CAMK2A: variants seen among roughly 807,000 people sequenced by gnomAD.
CAMK2A encodes the protein calcium/calmodulin-dependent protein kinase type II subunit alpha.
Under a neutral mutation model 79.2 loss-of-function variants are expected in CAMK2A, and 7 were observed. The observed-to-expected ratio is 0.09, with a 90% CI of 0.05 to 0.17. The LOEUF (loss-of-function observed/expected upper bound fraction) is 0.17, where lower values mean the gene tolerates loss of function less well. Among genes scored for constraint, CAMK2A ranks in the 10% least tolerant of loss-of-function variants. CAMK2A has a pLI of 1.00. For missense variants in CAMK2A, 214 were observed against 646.4 expected (o/e 0.33, Z 7.25); for synonymous variants, 242 against 251.7 (o/e 0.96, Z 0.36).
rs944210428 is a variant in CAMK2A at position 150,247,657 on chromosome 5, T to C, written c.943+115A>G. The C allele has an allele frequency of 5.0e-6, 4 of 800,302 alleles. No homozygotes were observed. The African/African-American group carries it at 6.9e-5, about 14-fold the overall frequency. 49.6% of individuals were successfully genotyped at this position (800,302 alleles called of 1,614,324 possible). A position where few individuals can be genotyped will look rare whatever the true frequency, so the allele number is the denominator to read the frequency against. On this transcript the variant is annotated intron_variant, in intron 12 of 18. Transcript: ENST00000671881. The stretch of plus-strand genomic sequence containing the variant: ...CTAAGCCCTTAGTCACAGAGTCCTC[T>C]ACAACTCCCTCTCCCCAGGCCCAGT...
intron 1 of CAMK2A, among the ~76,000 whole-genome samples, chr5:150,282,238 C>T (rs958716281): frequency 6.6e-6 from 1 of 152,154 alleles, no homozygotes; most frequent in Non-Finnish European, 1.5e-5. Context: ...ACCAATCCAG[C>T]AGAAGTCTCG....
chr5:150,226,853 G>T (rs1188097361), intron 17 of CAMK2A, among the ~76,000 whole-genome samples: 1 of 149,992 alleles, frequency 6.7e-6, no homozygotes, highest in Non-Finnish European at 1.5e-5. Context: ...GCCCAGGCTG[G>T]ATTGCAGTGG....
chr5:150,222,936 C>A, intron 18 of CAMK2A, 53 bp downstream of exon 18: 1 of 1,549,534 alleles, frequency 6.5e-7, no homozygotes, highest in East Asian at 2.2e-5. Context: ...CCCTCCAGGG[C>A]AACACTCCCA....
chr5:150,263,650 C>T (rs571702969), intron 3 of CAMK2A, among the ~76,000 whole-genome samples: 360 of 152,256 alleles, frequency 2.4e-3, no homozygotes, highest in African/African-American at 8.4e-3. Context: ...TTCACTCACA[C>T]ACTCCACACA....
intron 1 of CAMK2A, among the ~76,000 whole-genome samples, chr5:150,287,715 C>A (rs4958869): frequency 0.42 from 64,443 of 151,960 alleles, 18,033 homozygotes; most frequent in African/African-American, 0.79. Flanking sequence ...TCAGGGAATT[C>A]TTGGGTTCTA....
intron 13 of CAMK2A, among the ~76,000 whole-genome samples, chr5:150,242,205 C>A (rs748893946): frequency 6.6e-6 from 1 of 152,160 alleles, no homozygotes; most frequent in Non-Finnish European, 1.5e-5. Flanking sequence ...GGATCACAAA[C>A]GATGATGCTA....
At chr5:150,254,613 C>T (rs1033398972) in intron 6 of CAMK2A, among the ~76,000 whole-genome samples, 1 of 152,176 alleles carries the variant, frequency 6.6e-6, no homozygotes, top group African/African-American at 2.4e-5. Context: ...TCCAGAATTC[C>T]TCCACTTCCT....
Position 150,219,753 on chromosome 5 carries a change from G to A in CAMK2A, c.*2957C>T, listed in dbSNP as rs1360295476. The A allele has an allele frequency of 2.0e-5, 3 of 152,392 alleles. No individual in the cohort carries two copies. Among genetic ancestry groups the A allele is most frequent in the African/African-American group, 4.8e-5 (2 of 41,352 alleles). The allele number at this position is 152,392 out of a possible 1,614,324, so 9.4% of individuals were successfully genotyped here. A position where few individuals can be genotyped will look rare whatever the true frequency, so the allele number is the denominator to read the frequency against. ...GGTCTCCCTTTGAAGGGAGACAGGAGGCCTTGGGTCAGGATTCGCACCATG... is the reference window on the plus strand; with the variant it reads ...GGTCTCCCTTTGAAGGGAGACAGGAAGCCTTGGGTCAGGATTCGCACCATG... On this transcript the variant is annotated 3_prime_UTR_variant, in exon 19 of 19. Transcript: ENST00000671881.
intron 15 of CAMK2A, among the ~76,000 whole-genome samples, chr5:150,235,308 C>A (rs1755012376): frequency 6.6e-6 from 1 of 152,198 alleles, no homozygotes; most frequent in African/African-American, 2.4e-5. Context: ...AAAGTCCACT[C>A]TGATTCTGGG....
At chr5:150,257,527 C>A (rs372553951) in intron 4 of CAMK2A, 36 bp downstream of exon 4, 3 of 1,545,922 alleles carry the variant, frequency 1.9e-6, no homozygotes, top group Non-Finnish European at 2.6e-6. Context: ...GCAGCCCCAA[C>A]ACCGTTGGCG....
chr5:150,289,332 C>T (rs1757566018), intron 1 of CAMK2A, among the ~76,000 whole-genome samples: 2 of 152,200 alleles, frequency 1.3e-5, no homozygotes, highest in South Asian at 4.1e-4. Flanking sequence ...GTCAACCCTT[C>T]ATCCCTACAT....
At chr5:150,283,500 G>A (rs549860506) in intron 1 of CAMK2A, among the ~76,000 whole-genome samples, 7 of 152,134 alleles carry the variant, frequency 4.6e-5, no homozygotes, top group African/African-American at 1.7e-4. Flanking sequence ...TCAGCCTCCC[G>A]AGTAGCTGGA....
At chr5:150,231,679 C>A (rs1467197193) in intron 15 of CAMK2A, among the ~76,000 whole-genome samples, 1 of 151,002 alleles carries the variant, frequency 6.6e-6, no homozygotes, top group African/African-American at 2.4e-5. Context: ...TCTCTGTTGG[C>A]GGTCTTTGCC....
intron 15 of CAMK2A, among the ~76,000 whole-genome samples, chr5:150,234,729 C>G (rs1754990701): frequency 6.6e-6 from 1 of 152,146 alleles, no homozygotes. Context: ...GGGATATTTC[C>G]CAGCAGCCTG....
At chr5:150,270,896 C>G (rs1182229716) in intron 2 of CAMK2A, among the ~76,000 whole-genome samples, 1 of 152,184 alleles carries the variant, frequency 6.6e-6, no homozygotes, top group African/African-American at 2.4e-5. Flanking sequence ...ATGGCCCTTC[C>G]ACCCTCCCAT....
In CAMK2A at chr5:150,250,680, A is replaced by G. The variant is rs1755793036; in HGVS notation, c.816+8T>C. On this transcript the variant is annotated splice_region_variant and intron_variant, in intron 10 of 18. Transcript: ENST00000671881. ...CTCCTGGGAGAAGTCCTGCTGAGGA[A>G]GGCTCACCGAGATCCAGGGGTGCTT... 6.2e-7 allele frequency: 1 copy of G among 1,613,726 alleles called. No homozygotes were observed.
intron 1 of CAMK2A, among the ~76,000 whole-genome samples, chr5:150,278,951 G>A (rs541582886): frequency 9.2e-5 from 14 of 152,284 alleles, no homozygotes; most frequent in African/African-American, 3.1e-4. Context: ...AGACAGACAG[G>A]CAGACACCGG....
chr5:150,264,253 G>C (rs949822324), intron 3 of CAMK2A, among the ~76,000 whole-genome samples: 3 of 152,206 alleles, frequency 2.0e-5, no homozygotes, highest in Non-Finnish European at 4.4e-5. Context: ...CAGAGGATGG[G>C]GGGAAGTGAT....
intron 1 of CAMK2A, among the ~76,000 whole-genome samples, chr5:150,280,764 G>A (rs1021834264): frequency 2.6e-5 from 4 of 151,854 alleles, no homozygotes; most frequent in African/African-American, 4.8e-5. Context: ...TTTCTGGGTC[G>A]CCGTGCTCTC....
Sources: allele counts gnomAD v4.1 joint callset (sites outside exome capture counted in the v4.1 genomes callset), GRCh38; gene constraint gnomAD v4.1.1; transcripts MANE v1.5; gene names NCBI Gene and HGNC (gene_info 2026-07-23, HGNC 2026-07-21).